Variants in FBXL4 observed in about 807,000 individuals in gnomAD.
FBXL4 encodes the protein F-box/LRR-repeat protein 4.
A neutral mutation model predicts 58.9 loss-of-function variants in FBXL4; 40 were observed. The observed-to-expected ratio is 0.68, with a 90% CI of 0.53 to 0.88. FBXL4 has a LOEUF of 0.88. FBXL4 is among the 40% of genes least tolerant of loss of function. FBXL4 has a pLI of 0.00. For synonymous variants in FBXL4, 263 were observed against 265.5 expected (o/e 0.99, Z 0.09); for missense variants, 676 against 734.4 (o/e 0.92, Z 0.92).
At chr6:98,946,891 C>A (rs764293029) in intron 1 of FBXL4, among the ~76,000 whole-genome samples, 1 of 152,056 alleles carries the variant, frequency 6.6e-6, no homozygotes, top group Non-Finnish European at 1.5e-5. Context: ...ATACAATATG[C>A]GGTACAGGAT....
At chr6:98,896,241 T>C (rs80252880) in intron 7 of FBXL4, among the ~76,000 whole-genome samples, 6,492 of 152,216 alleles carry the variant, frequency 0.043, 171 homozygotes, top group Middle Eastern at 0.1. Flanking sequence ...TTTGCTCTCA[T>C]ACACCATCAT....
chr6:98,914,437 G>A (rs555446191), intron 5 of FBXL4, among the ~76,000 whole-genome samples: 11 of 152,250 alleles, frequency 7.2e-5, no homozygotes, highest in East Asian at 1.9e-4. Context: ...CTGGCAAACC[G>A]AATCCAGCAG....
intron 7 of FBXL4, among the ~76,000 whole-genome samples, chr6:98,894,439 C>T (rs1320693145): frequency 6.6e-6 from 1 of 152,140 alleles, no homozygotes; most frequent in South Asian, 2.1e-4. Flanking sequence ...TCTAAAAGAT[C>T]CACCAAATTC....
intron 7 of FBXL4, among the ~76,000 whole-genome samples, chr6:98,889,678 C>CG (rs1771156771): frequency 1.4e-5 from 1 of 72,168 alleles, no homozygotes; most frequent in South Asian, 4.5e-4. Context: ...CACCCTGTCT[C>CG]AAAAAAAAAA....
chr6:98,894,642 TTCTG>T (rs767919543), intron 7 of FBXL4, among the ~76,000 whole-genome samples: 26 of 152,066 alleles, frequency 1.7e-4, no homozygotes, highest in Non-Finnish European at 3.1e-4. Flanking sequence ...TACCCGTCCA[TTCTG>T]TCTTTTATTG....
At chr6:98,878,490 A>G (rs1770733377) in intron 8 of FBXL4, among the ~76,000 whole-genome samples, 1 of 151,994 alleles carries the variant, frequency 6.6e-6, no homozygotes, top group Non-Finnish European at 1.5e-5. Flanking sequence ...TATAGGTTTG[A>G]GCAACCATAC....
chr6:98,903,312 T>C (rs1162794144), intron 6 of FBXL4, among the ~76,000 whole-genome samples: 2 of 152,086 alleles, frequency 1.3e-5, no homozygotes, highest in Non-Finnish European at 2.9e-5. Flanking sequence ...CCAACAGTAA[T>C]CAGTAGGCAA....
At chr6:98,926,049 G>A (rs1430678365) in intron 4 of FBXL4, among the ~76,000 whole-genome samples, 3 of 152,102 alleles carry the variant, frequency 2.0e-5, no homozygotes, top group African/African-American at 4.8e-5. Context: ...TTCAACTAAC[G>A]TTAAACCAAA....
At chr6:98,895,171 T>C (rs1771368929) in intron 7 of FBXL4, among the ~76,000 whole-genome samples, 1 of 152,248 alleles carries the variant, frequency 6.6e-6, no homozygotes, top group African/African-American at 2.4e-5. Context: ...TAGGCCTATA[T>C]AAACTACTTA....
At chr6:98,886,364 T>C (rs1054534378) in intron 7 of FBXL4, among the ~76,000 whole-genome samples, 4 of 152,170 alleles carry the variant, frequency 2.6e-5, no homozygotes, top group African/African-American at 9.6e-5. Context: ...TGACATACCT[T>C]TTAGAAATCT....
chr6:98,881,000 CAAAA>C (rs941827643), intron 7 of FBXL4, among the ~76,000 whole-genome samples: 24 of 152,066 alleles, frequency 1.6e-4, no homozygotes, highest in African/African-American at 5.3e-4. Context: ...AACAAAAAGA[CAAAA>C]AACCCGCAGC....
chr6:98,908,880 A>T (rs947620464), intron 5 of FBXL4, among the ~76,000 whole-genome samples: 1 of 152,162 alleles, frequency 6.6e-6, no homozygotes, highest in East Asian at 1.9e-4. Context: ...TAAAATAACT[A>T]AGTTTTTTAA....
chr6:98,934,297 A>G (rs1359583811), intron 2 of FBXL4, among the ~76,000 whole-genome samples: 1 of 151,904 alleles, frequency 6.6e-6, no homozygotes, highest in African/African-American at 2.4e-5. Flanking sequence ...AAGTTAAGAG[A>G]GAAGAGGCGG....
intron 1 of FBXL4, among the ~76,000 whole-genome samples, chr6:98,939,969 T>C (rs1429865523): frequency 2.0e-5 from 3 of 152,370 alleles, no homozygotes; most frequent in East Asian, 1.9e-4. Flanking sequence ...ATTACAGTAG[T>C]ACAGTATGTA....
At chr6:98,930,761 A>T (rs1440271382) in intron 2 of FBXL4, among the ~76,000 whole-genome samples, 1 of 152,184 alleles carries the variant, frequency 6.6e-6, no homozygotes, top group Non-Finnish European at 1.5e-5. Flanking sequence ...CAGACAGACA[A>T]CTTTTTGCCA....
chr6:98,926,421 T>C, intron 4 of FBXL4, 56 bp downstream of exon 4: 2 of 1,491,602 alleles, frequency 1.3e-6, no homozygotes, highest in Non-Finnish European at 1.8e-6. Flanking sequence ...ATCTCCAATA[T>C]TAACAACCAA....
chr6:98,881,515 A>G (rs1295847258), intron 7 of FBXL4, among the ~76,000 whole-genome samples: 1 of 152,118 alleles, frequency 6.6e-6, no homozygotes, highest in African/African-American at 2.4e-5. Flanking sequence ...ATCTGTTCCA[A>G]GTGATCAGAA....
chr6:98,883,626 C>T (rs1770929009), intron 7 of FBXL4, among the ~76,000 whole-genome samples: 1 of 151,714 alleles, frequency 6.6e-6, no homozygotes, highest in Non-Finnish European at 1.5e-5. Context: ...ATTTCATTTT[C>T]CCCACATTGT....
chr6:98,877,866 A>C (rs1194066647), intron 8 of FBXL4, among the ~76,000 whole-genome samples: 1 of 152,220 alleles, frequency 6.6e-6, no homozygotes, highest in Non-Finnish European at 1.5e-5. Flanking sequence ...AGTAAAAAGA[A>C]ATAGATAAAA....
Sources: allele counts gnomAD v4.1 joint callset (sites outside exome capture counted in the v4.1 genomes callset), GRCh38; gene constraint gnomAD v4.1.1; transcripts MANE v1.5; gene names NCBI Gene and HGNC (gene_info 2026-07-23, HGNC 2026-07-21).